Variants in KLHL5 observed in about 807,000 individuals in gnomAD.
KLHL5 encodes the protein kelch-like protein 5.
KLHL5 carries 48 observed loss-of-function variants against 77.7 expected under a neutral mutation model. The observed-to-expected ratio is 0.62, with a 90% CI of 0.49 to 0.79. KLHL5 has a LOEUF of 0.79. Ranked by LOEUF, KLHL5 falls within the 30% of genes least tolerant of loss-of-function variation. The pLI is 0.00. For missense variants in KLHL5, 723 were observed against 859.7 expected (o/e 0.84, Z 1.99); for synonymous variants, 260 against 297.0 (o/e 0.88, Z 1.28).
chr4:39,099,748 T>A (rs930129720), intron 6 of KLHL5, among the ~76,000 whole-genome samples: 1 of 152,182 alleles, frequency 6.6e-6, no homozygotes, highest in African/African-American at 2.4e-5. Flanking sequence ...GAATAACATA[T>A]AACATAGCGC....
At chr4:39,083,820 C>T (rs1434624890) in intron 4 of KLHL5, among the ~76,000 whole-genome samples, 3 of 152,118 alleles carry the variant, frequency 2.0e-5, no homozygotes, top group Non-Finnish European at 2.9e-5. Flanking sequence ...ATGATTGCTG[C>T]TTTAAGGCTT....
chr4:39,095,169 A>G (rs1720943582), intron 5 of KLHL5, among the ~76,000 whole-genome samples: 1 of 152,190 alleles, frequency 6.6e-6, no homozygotes, highest in African/African-American at 2.4e-5. Context: ...GAGGCAGATA[A>G]AGGAAGAAAA....
chr4:39,048,462 T>A (rs1716368700), intron 1 of KLHL5, among the ~76,000 whole-genome samples: 1 of 152,148 alleles, frequency 6.6e-6, no homozygotes, highest in African/African-American at 2.4e-5. Context: ...AAAAGAACTC[T>A]CACATCCTGT....
intron 5 of KLHL5, chr4:39,093,217 G>A (rs1420149860): frequency 6.7e-6 from 3 of 445,066 alleles, no homozygotes; most frequent in Non-Finnish European, 1.4e-5. Context: ...GCAGGGACAA[G>A]TCTCAAAAGT....
At chr4:39,109,632 T>A (rs1330847181) in intron 8 of KLHL5, among the ~76,000 whole-genome samples, 2 of 124,544 alleles carry the variant, frequency 1.6e-5, no homozygotes. Context: ...TTTTTCTTTT[T>A]TTTTCTTTTT....
At chr4:39,059,921 A>C (rs115701085), upstream of KLHL5, among the ~76,000 whole-genome samples, 2,352 of 152,150 alleles carry the variant, frequency 0.015, 60 homozygotes, top group African/African-American at 0.053. Flanking sequence ...AATAAAATGC[A>C]CATACCTTCA....
chr4:39,115,982 T>G (rs1421876751), intron 10 of KLHL5: 1 of 985,460 alleles, frequency 1.0e-6, no homozygotes, highest in Non-Finnish European at 1.2e-6. Flanking sequence ...CAATAAATGT[T>G]TAACTGAGCC....
chr4:39,080,806 A>AAATTTTTTCCT (rs1367391217), intron 2 of KLHL5, among the ~76,000 whole-genome samples: 3 of 152,152 alleles, frequency 2.0e-5, no homozygotes, highest in African/African-American at 7.2e-5. Flanking sequence ...AATAACTTTT[A>AAATTTTTTCCT]AATTTTTTCC....
intron 6 of KLHL5, among the ~76,000 whole-genome samples, chr4:39,098,286 A>G (rs944054002): frequency 1.3e-5 from 2 of 151,842 alleles, no homozygotes; most frequent in African/African-American, 2.4e-5. Flanking sequence ...GTTTTGAGAT[A>G]GAGTCTTGTT....
At chr4:39,115,772 G>T in intron 10 of KLHL5, 2 of 1,067,660 alleles carry the variant, frequency 1.9e-6, no homozygotes, top group Non-Finnish European at 2.3e-6. Context: ...ACCTAATGAA[G>T]ATGGCAACCC....
chr4:39,049,183 C>A (rs1259159200), intron 1 of KLHL5, among the ~76,000 whole-genome samples: 1 of 152,138 alleles, frequency 6.6e-6, no homozygotes, highest in African/African-American at 2.4e-5. Context: ...TATGTCAGTA[C>A]AGTATTCTAT....
chr4:39,072,518 T>C (rs1718576198), intron 1 of KLHL5, among the ~76,000 whole-genome samples: 1 of 152,214 alleles, frequency 6.6e-6, no homozygotes, highest in Non-Finnish European at 1.5e-5. Context: ...ATATCTGTAC[T>C]GTCCAATTTG....
the KLHL5 span, among the ~76,000 whole-genome samples, chr4:39,131,873 G>A: frequency 6.9e-6 from 1 of 144,400 alleles, no homozygotes; most frequent in East Asian, 2.0e-4. Context: ...GGGTGATAGA[G>A]CGAGACCCTG....
Position 39,090,688 on chromosome 4 carries a change from A to G in KLHL5, c.1113+3961A>G, listed in dbSNP as rs550673221. Among the ~76,000 whole-genome samples the G allele has an allele frequency of 1.2e-4, 19 of 152,192 alleles. No individual in the cohort carries two copies. In the South Asian group the frequency reaches 1.7e-3, roughly 13 times the overall value. ...GGTCTTGAACTCCTGACCTCAGGTG[A>G]TCCACCCACCTCGGCCTCCCAAAAT... On this transcript the variant is annotated intron_variant, in intron 5 of 10. Transcript: ENST00000504108.
chr4:39,096,789 G>C lies in KLHL5; in HGVS notation c.1211G>C (p.Arg404Thr), dbSNP rs991753789. The C allele has an allele frequency of 1.9e-6, 3 of 1,613,704 alleles. No individual in the cohort carries two copies. The highest frequency in any genetic ancestry group is 2.5e-6 in the Non-Finnish European group (3 of 1,179,652). The change falls in exon 6 of 11, where the codon AGA (arginine) becomes ACA (threonine). Residue 404 changes from arginine to threonine, a missense_variant. Around this residue, in one of 3 missense-constraint regions of KLHL5, gnomAD observed 288 missense variants for 400.3 expected, o/e 0.72. Coordinates refer to ENST00000504108, the MANE Select transcript of KLHL5 (RefSeq NM_015990.5). ...ATGAAGTACCATTTATTACCAGAGA[G>C]ACGACCCATGTTACAAAGTCCTCGG... Reference protein sequence around the residue: ...EAMKYHLLPERRPMLQSPRTK... With the variant: ...EAMKYHLLPETRPMLQSPRTK...
At chr4:39,083,550 A>G (rs188640569) in intron 4 of KLHL5, among the ~76,000 whole-genome samples, 6 of 152,314 alleles carry the variant, frequency 3.9e-5, no homozygotes, top group African/African-American at 1.4e-4. Context: ...CTAGCATGCT[A>G]TTATGTTGAC....
downstream of KLHL5, among the ~76,000 whole-genome samples, chr4:39,126,502 C>T (rs774099704): frequency 3.3e-5 from 5 of 152,116 alleles, no homozygotes; most frequent in East Asian, 1.9e-4. Flanking sequence ...TTGGCATCAT[C>T]GCTAGACTTC....
intron 6 of KLHL5, among the ~76,000 whole-genome samples, chr4:39,102,797 C>G (rs1477590435): frequency 6.6e-6 from 1 of 152,234 alleles, no homozygotes; most frequent in African/African-American, 2.4e-5. Flanking sequence ...GAAGAATCTT[C>G]TATGCTCACT....
chr4:39,046,349 A>T (rs1235844026), intron 1 of KLHL5, among the ~76,000 whole-genome samples: 1 of 152,198 alleles, frequency 6.6e-6, no homozygotes, highest in Non-Finnish European at 1.5e-5. Context: ...GAAAAAAGAT[A>T]ATACCAAGTT....
Sources: gnomAD v4.1 joint callset for allele counts (sites outside exome capture counted in the v4.1 genomes callset) on GRCh38, gnomAD v4.1.1 for gene constraint, gnomAD v4.1.1 regional missense constraint, MANE v1.5 for transcripts, NCBI Gene and HGNC (gene_info 2026-07-23, HGNC 2026-07-21) for gene names.